LRRC8A: variants seen among roughly 807,000 people sequenced by gnomAD.
LRRC8A encodes volume-regulated anion channel subunit LRRC8A.
LRRC8A carries 24 observed loss-of-function variants against 52.5 expected under a neutral mutation model. That is an observed-to-expected ratio of 0.46 (90% confidence interval 0.33 to 0.64). LRRC8A has a LOEUF of 0.64. LRRC8A is among the 30% of genes least tolerant of loss of function. The probability of loss-of-function intolerance (pLI) is 0.02; values close to 1 mark genes in which losing one functional copy is unlikely to be tolerated. For synonymous variants in LRRC8A, 492 were observed against 494.2 expected, an observed-to-expected ratio of 1.00 and a Z score of 0.06; for missense variants, 677 against 1,094.7, an observed-to-expected ratio of 0.62 and a Z score of 5.38.
At chr9:128,905,641 G>C (rs566984887) in intron 2 of LRRC8A, among the ~76,000 whole-genome samples, 2 of 152,114 alleles carry the variant, frequency 1.3e-5, no homozygotes, top group Non-Finnish European at 2.9e-5. Flanking sequence ...TAAAGGGATC[G>C]AGACCATCCT....
At chr9:128,889,959 C>T (rs1344620892) in intron 2 of LRRC8A, among the ~76,000 whole-genome samples, 8 of 151,864 alleles carry the variant, frequency 5.3e-5, no homozygotes, top group Middle Eastern at 3.4e-3. Context: ...TGCACCACCA[C>T]GCCTGGCTAA....
chr9:128,909,376 C>A, intron 3 of LRRC8A, 55 bp downstream of exon 3: 1 of 1,542,920 alleles, frequency 6.5e-7, no homozygotes, highest in Non-Finnish European at 8.8e-7. Flanking sequence ...CTGGCCAGGG[C>A]TTGTGGTGGG....
In LRRC8A at chr9:128,908,100, C is replaced by A. The variant is rs140764686; in HGVS notation, c.936C>A (p.His312Gln). The A allele has an allele frequency of 1.2e-6, 2 of 1,613,948 alleles. No homozygotes were observed. The highest frequency in any genetic ancestry group is 8.5e-7 in the Non-Finnish European group (1 of 1,180,010). ...GCTACCGCACCTACCGCTGTGCCCA[C>A]CCCCTGGCCACACTCTTCAAGATCC... ...LTGYRTYRCA[H>Q]PLATLFKILA... Residue 312 changes from histidine (H) to glutamine (Q), a missense_variant, in exon 3 of 4, where the codon CAC (histidine) becomes CAA (glutamine). Coordinates refer to ENST00000372600, the MANE Select transcript of LRRC8A (RefSeq NM_019594.4).
chr9:128,890,497 G>A (rs1839573114), intron 2 of LRRC8A, among the ~76,000 whole-genome samples: 1 of 152,322 alleles, frequency 6.6e-6, no homozygotes, highest in East Asian at 1.9e-4. Context: ...CTGACGGGCA[G>A]CATGACAAAC....
At chr9:128,893,211 A>G (rs933838484) in intron 2 of LRRC8A, among the ~76,000 whole-genome samples, 17 of 151,920 alleles carry the variant, frequency 1.1e-4, no homozygotes, top group African/African-American at 3.6e-4. Context: ...AGGTTCTGCG[A>G]GTCCTGGGGG....
intron 2 of LRRC8A, among the ~76,000 whole-genome samples, chr9:128,889,535 A>G (rs141515659): frequency 0.055 from 8,314 of 150,918 alleles, 268 homozygotes; most frequent in African/African-American, 0.095. Context: ...TTGCTCTGTC[A>G]CCCAGGCTGG....
chr9:128,903,160 A>G (rs1840094009), intron 2 of LRRC8A, among the ~76,000 whole-genome samples: 1 of 152,076 alleles, frequency 6.6e-6, no homozygotes, highest in Non-Finnish European at 1.5e-5. Flanking sequence ...CATCTCTGGG[A>G]TGGGGCTATA....
chr9:128,907,203 G>C lies in LRRC8A; in HGVS notation c.39G>C (p.Thr13=). The change falls in exon 3 of 4, where the codon ACG becomes ACC. Residue 13 remains threonine (T), a synonymous_variant. Transcript: ENST00000372600. The surrounding 1 kb of genome is among the most constrained non-coding windows in gnomAD (Gnocchi z 9.3). ...CAGAGCTCCGCTACTTTGCGGACAC[G>C]CAGCCAGCATACCGGATCCTGAAGC... ...PVTELRYFAD[T]QPAYRILKPW... is the part of the protein sequence containing the mutation. 1 of 1,611,970 alleles carries C rather than the reference G, an allele frequency of 6.2e-7. No individual in the cohort carries two copies. The highest frequency in any genetic ancestry group is 8.5e-7 in the Non-Finnish European group (1 of 1,178,272).
chr9:128,909,808 T>TG (rs1840428288), intron 3 of LRRC8A, among the ~76,000 whole-genome samples: 2 of 152,278 alleles, frequency 1.3e-5, no homozygotes, highest in African/African-American at 2.4e-5. Flanking sequence ...AGAAACTGTG[T>TG]GGGTGGCCAG....
intron 2 of LRRC8A, among the ~76,000 whole-genome samples, chr9:128,901,215 A>C (rs1456603254): frequency 6.6e-6 from 1 of 151,844 alleles, no homozygotes; most frequent in Admixed American, 6.6e-5. Context: ...CTGTAATCCC[A>C]GCACTTTGGG....
chr9:128,908,037 C>T lies in LRRC8A; in HGVS notation c.873C>T (p.Phe291=), dbSNP rs558151148. 2.0e-5 allele frequency: 32 copies of T among 1,613,970 alleles called. No individual in the cohort carries two copies. Among genetic ancestry groups the T allele is most frequent in the Admixed American group, 3.3e-5 (2 of 59,998 alleles). The change falls in exon 3 of 4, where the codon TTC becomes TTT. Residue 291 remains phenylalanine (F), a synonymous_variant. Coordinates refer to ENST00000372600, the MANE Select transcript of LRRC8A (RefSeq NM_019594.4). The part of the protein sequence containing the change: ...YTVYYVHNIK[F]DVDCTVDIES... ...TCTACTACGTGCACAACATCAAGTTCGACGTGGACTGCACCGTGGACATTG... is the reference window on the plus strand; with the variant it reads ...TCTACTACGTGCACAACATCAAGTTTGACGTGGACTGCACCGTGGACATTG...
rs889754074 is a variant in LRRC8A at position 128,892,932 on chromosome 9, C to T, written c.-9+6811C>T. Among the ~76,000 whole-genome samples the T allele has an allele frequency of 3.3e-5, 5 of 152,190 alleles. No homozygotes were observed. The highest frequency in any genetic ancestry group is 3.3e-4 in the Admixed American group (5 of 15,284). ...GCTTTCACAAAAGGCTCTCTGTGCCCTGTTTACCCGCAGCCCGACTGCCTG... is the reference window on the plus strand; with the variant it reads ...GCTTTCACAAAAGGCTCTCTGTGCCTTGTTTACCCGCAGCCCGACTGCCTG... On this transcript the variant is annotated intron_variant, in intron 2 of 3. Coordinates refer to ENST00000372600, the MANE Select transcript of LRRC8A (RefSeq NM_019594.4). This position sits in a 1 kb window ranked among gnomAD's most constrained non-coding sequence, Gnocchi z 5.2.
chr9:128,897,062 G>T (rs1839848040), intron 2 of LRRC8A, among the ~76,000 whole-genome samples: 1 of 151,948 alleles, frequency 6.6e-6, no homozygotes, highest in African/African-American at 2.4e-5. Flanking sequence ...TTTAAACTTT[G>T]GAAATAACTC....
chr9:128,913,732 G>A (rs1395774456), intron 3 of LRRC8A, among the ~76,000 whole-genome samples: 1 of 152,174 alleles, frequency 6.6e-6, no homozygotes, highest in African/African-American at 2.4e-5. Flanking sequence ...AGATCACGGG[G>A]TGGGAGTGGG....
At chr9:128,906,128 C>A (rs986066305) in intron 2 of LRRC8A, among the ~76,000 whole-genome samples, 14 of 152,120 alleles carry the variant, frequency 9.2e-5, no homozygotes, top group Non-Finnish European at 1.2e-4. Context: ...CATAACTATA[C>A]ACACATGTGG....
chr9:128,896,812 C>A lies in LRRC8A; in HGVS notation c.-8-10345C>A, dbSNP rs543552674. ...TGTCTGCTCACCGCAACCTCCGCCC[C>A]CTGAGTTCAAGGGATTCTCCTGCCT... On this transcript the variant is annotated intron_variant, in intron 2 of 3. Transcript: ENST00000372600. Among the ~76,000 whole-genome samples, 396 of 152,270 alleles carry A rather than the reference C, an allele frequency of 2.6e-3. 5 individuals carry two copies. Among genetic ancestry groups the A allele is most frequent in the African/African-American group, 8.6e-3 (356 of 41,540 alleles).
At chr9:128,915,295 T>C (rs1840759605) in intron 3 of LRRC8A, among the ~76,000 whole-genome samples, 1 of 152,154 alleles carries the variant, frequency 6.6e-6, no homozygotes, top group African/African-American at 2.4e-5. Flanking sequence ...AAGTTTAATT[T>C]ATAAATTAAG....
At position 128,907,132 on chromosome 9, in the gene LRRC8A, C is replaced by G. The variant is rs1396393087; in HGVS notation, c.-8-25C>G. ...GGAAAGCCAGGCCACCCTGTGCTAA[C>G]CCCCCTCCTATGGCTCCCTTTTAGG... On this transcript the variant is annotated intron_variant, in intron 2 of 3. Coordinates refer to ENST00000372600, the MANE Select transcript of LRRC8A (RefSeq NM_019594.4). This position sits in a 1 kb window ranked among gnomAD's most constrained non-coding sequence, Gnocchi z 9.3. The G allele has an allele frequency of 1.7e-5, 26 of 1,572,086 alleles. No homozygotes were observed. Among genetic ancestry groups the G allele is most frequent in the Non-Finnish European group, 2.2e-5 (25 of 1,151,458 alleles).
At chr9:128,898,591 C>G (rs528831745) in intron 2 of LRRC8A, among the ~76,000 whole-genome samples, 1 of 152,376 alleles carries the variant, frequency 6.6e-6, no homozygotes, top group South Asian at 2.1e-4. Flanking sequence ...CATCCACCCG[C>G]AGGCTCTGGC....
Sources: gnomAD v4.1 joint callset for allele counts (sites outside exome capture counted in the v4.1 genomes callset) on GRCh38, gnomAD v4.1.1 for gene constraint, Gnocchi (gnomAD v3.1) non-coding constraint, MANE v1.5 for transcripts, NCBI Gene and HGNC (gene_info 2026-07-23, HGNC 2026-07-21) for gene names.